Variants in ASIC2 observed in about 807,000 individuals in gnomAD.
The protein encoded by ASIC2 is acid-sensing ion channel 2.
A neutral mutation model predicts 57.3 loss-of-function variants in ASIC2; 25 were observed. The observed-to-expected ratio is 0.44, with a 90% CI of 0.32 to 0.61. The LOEUF is 0.61. ASIC2 is among the 20% of genes least tolerant of loss of function. ASIC2 has a pLI of 0.06. For synonymous variants in ASIC2, 319 were observed against 307.5 expected (o/e 1.04, Z -0.39); for missense variants, 641 against 738.1 (o/e 0.87, Z 1.52).
rs78900180 is a variant in ASIC2, at chr17:34,043,519, T to C, written c.555+112459A>G. Among the ~76,000 whole-genome samples the C allele has an allele frequency of 1.1e-3, 161 of 152,334 alleles. 1 individual carries two copies. In the East Asian group the frequency reaches 0.026, roughly 25 times the overall value. On this transcript the variant is annotated intron_variant, in intron 1 of 9. Transcript: ENST00000359872. ...TCCTACAATGCAAAATGATTTCAAA[T>C]ATATAAATTTTAAAACCTTCCATTT...
At chr17:33,437,123 C>A (rs999158322) in intron 1 of ASIC2, among the ~76,000 whole-genome samples, 1 of 151,844 alleles carries the variant, frequency 6.6e-6, no homozygotes, top group Admixed American at 6.6e-5. Context: ...CCTCGGCCTC[C>A]CAAAGTGCTG....
chr17:33,050,555 A>G (rs1050986742), intron 3 of ASIC2, among the ~76,000 whole-genome samples: 2 of 152,188 alleles, frequency 1.3e-5, no homozygotes, highest in African/African-American at 4.8e-5. Context: ...AGAAATCGTA[A>G]GCAATATTGA....
intron 1 of ASIC2, among the ~76,000 whole-genome samples, chr17:33,710,711 G>A (rs1435666964): frequency 6.6e-6 from 1 of 152,188 alleles, no homozygotes; most frequent in East Asian, 1.9e-4. Context: ...TATGAAAACT[G>A]AGGGAGAAGA....
At chr17:33,167,971 G>A (rs775717749) in intron 1 of ASIC2, among the ~76,000 whole-genome samples, 3 of 152,228 alleles carry the variant, frequency 2.0e-5, no homozygotes, top group Non-Finnish European at 2.9e-5. Context: ...CATTTAAGAG[G>A]TAATTACACT....
intron 1 of ASIC2, among the ~76,000 whole-genome samples, chr17:33,941,844 C>T (rs1916198508): frequency 6.6e-6 from 1 of 152,126 alleles, no homozygotes; most frequent in Non-Finnish European, 1.5e-5. Context: ...CAGGACAGGG[C>T]AGGATGCTGC....
intron 3 of ASIC2, among the ~76,000 whole-genome samples, chr17:33,065,939 G>C (rs567978914): frequency 6.6e-6 from 1 of 152,262 alleles, no homozygotes; most frequent in South Asian, 2.1e-4. Context: ...ATCCTACAGT[G>C]ATAAAGGTAG....
chr17:33,831,418 C>T (rs191541558), intron 1 of ASIC2, among the ~76,000 whole-genome samples: 1 of 152,198 alleles, frequency 6.6e-6, no homozygotes, highest in East Asian at 1.9e-4. Context: ...TGAGTTCCTG[C>T]CTTGGTTCAG....
chr17:33,023,273 G>T (rs1364788901), intron 6 of ASIC2, among the ~76,000 whole-genome samples: 2 of 152,122 alleles, frequency 1.3e-5, no homozygotes, highest in Non-Finnish European at 2.9e-5. Flanking sequence ...GGATCATGAG[G>T]TCAGGAGATC....
intron 1 of ASIC2, among the ~76,000 whole-genome samples, chr17:33,803,286 AT>A: frequency 6.7e-6 from 1 of 149,170 alleles, no homozygotes; most frequent in South Asian, 2.1e-4. Context: ...ACTTCTATAA[AT>A]TTCTAACTTT....
chr17:34,070,807 T>C (rs1909370302), intron 1 of ASIC2: 1 of 152,320 alleles, frequency 6.6e-6, no homozygotes, highest in Non-Finnish European at 1.5e-5. Flanking sequence ...GCATACTCCA[T>C]GATACCCACC....
intron 1 of ASIC2, among the ~76,000 whole-genome samples, chr17:33,362,798 C>T (rs899188345): frequency 6.6e-6 from 1 of 152,210 alleles, no homozygotes; most frequent in Non-Finnish European, 1.5e-5. Flanking sequence ...GTATTACAAT[C>T]ACCAGAGCAG....
chr17:34,138,837 G>T (rs1204064015), intron 1 of ASIC2, among the ~76,000 whole-genome samples: 1 of 152,104 alleles, frequency 6.6e-6, no homozygotes, highest in African/African-American at 2.4e-5. Context: ...GTCCATCTGA[G>T]AATTAATCAT....
chr17:33,812,794 C>T (rs1912464230), intron 1 of ASIC2, among the ~76,000 whole-genome samples: 1 of 152,164 alleles, frequency 6.6e-6, no homozygotes, highest in South Asian at 2.1e-4. Context: ...ATTCCATTTC[C>T]TTAGGACAAA....
chr17:33,756,928 A>C (rs1910622015), intron 1 of ASIC2, among the ~76,000 whole-genome samples: 2 of 152,232 alleles, frequency 1.3e-5, no homozygotes, highest in African/African-American at 4.8e-5. Flanking sequence ...GCAGAAACCA[A>C]GGTGACAGCA....
chr17:33,802,391 A>T (rs1912155599), intron 1 of ASIC2, among the ~76,000 whole-genome samples: 1 of 152,234 alleles, frequency 6.6e-6, no homozygotes, highest in African/African-American at 2.4e-5. Context: ...CATTTCTCAG[A>T]ACGTATTTCT....
intron 1 of ASIC2, among the ~76,000 whole-genome samples, chr17:33,331,705 T>C (rs918033426): frequency 3.3e-5 from 5 of 152,228 alleles, no homozygotes; most frequent in Non-Finnish European, 5.9e-5. Context: ...ATTATGCATT[T>C]CTATATACCT....
chr17:33,841,060 A>G (rs2141908165), intron 1 of ASIC2, among the ~76,000 whole-genome samples: 1 of 152,354 alleles, frequency 6.6e-6, no homozygotes, highest in Admixed American at 6.5e-5. Context: ...ACCTGAAAAA[A>G]AAAGACTCAA....
At chr17:34,103,885 G>A (rs1045579052) in intron 1 of ASIC2, among the ~76,000 whole-genome samples, 2 of 152,120 alleles carry the variant, frequency 1.3e-5, no homozygotes, top group African/African-American at 4.8e-5. Context: ...TTGAAGTCAA[G>A]TAGTTTGAGT....
At chr17:34,079,672 G>A (rs922675695) in intron 1 of ASIC2, among the ~76,000 whole-genome samples, 3 of 152,182 alleles carry the variant, frequency 2.0e-5, no homozygotes, top group Admixed American at 6.5e-5. Flanking sequence ...TGATTTAAAT[G>A]TCATAGGGTT....
Sources: gnomAD v4.1 joint callset for allele counts (sites outside exome capture counted in the v4.1 genomes callset) on GRCh38, gnomAD v4.1.1 for gene constraint, MANE v1.5 for transcripts, NCBI Gene and HGNC (gene_info 2026-07-23, HGNC 2026-07-21) for gene names.